Variants in DACH1 observed in about 807,000 individuals in gnomAD.
The protein encoded by DACH1 is dachshund family transcription factor 1, also known as dachshund homolog 1.
DACH1 carries 12 observed loss-of-function variants against 54.2 expected under a neutral mutation model. That is an observed-to-expected ratio of 0.22 (90% CI 0.14 to 0.36). DACH1 has a LOEUF of 0.36. Ranked by LOEUF, DACH1 falls within the 10% of genes least tolerant of loss-of-function variation. DACH1 has a pLI of 1.00. For synonymous variants in DACH1, 386 were observed against 366.2 expected, an observed-to-expected ratio of 1.05 and a Z score of -0.62; for missense variants, 805 against 929.8, an observed-to-expected ratio of 0.87 and a Z score of 1.75.
intron 6 of DACH1, among the ~76,000 whole-genome samples, chr13:71,504,234 C>T (rs1880140251): frequency 6.6e-6 from 1 of 151,960 alleles, no homozygotes; most frequent in Non-Finnish European, 1.5e-5. Flanking sequence ...CACGAGAAAT[C>T]TTGGTTGTTT....
intron 7 of DACH1, among the ~76,000 whole-genome samples, chr13:71,484,166 G>A (rs1454261277): frequency 6.7e-6 from 1 of 149,650 alleles, no homozygotes; most frequent in Non-Finnish European, 1.5e-5. Context: ...TTTCTTGTGT[G>A]TGTATGTGTT....
rs547530312 is a variant in DACH1, at chr13:71,580,846, C to G, written c.1127-7834G>C. Among the ~76,000 whole-genome samples the G allele has an allele frequency of 3.3e-5, 5 of 152,100 alleles. No homozygotes were observed. The East Asian group carries it at 9.7e-4, about 29-fold the overall frequency. ...CTTTTTCATGTCCTATTGATTTCAT[C>G]TCTATTATTCATCTCTATTTTGTCT... On this transcript the variant is annotated intron_variant, in intron 3 of 10. Coordinates refer to ENST00000613252, the MANE Select transcript of DACH1 (RefSeq NM_080759.6).
At chr13:71,786,791 G>A (rs1214923502) in intron 1 of DACH1, among the ~76,000 whole-genome samples, 2 of 151,726 alleles carry the variant, frequency 1.3e-5, no homozygotes, top group African/African-American at 4.8e-5. Context: ...GAATTTCAGA[G>A]GGGAAAAAAA....
At chr13:71,771,500 T>A (rs1885852900) in intron 1 of DACH1, among the ~76,000 whole-genome samples, 1 of 151,416 alleles carries the variant, frequency 6.6e-6, no homozygotes, top group African/African-American at 2.4e-5. Context: ...TTTTTGCAAC[T>A]AATCAGTAAC....
chr13:71,584,572 T>C (rs930702359), intron 3 of DACH1, among the ~76,000 whole-genome samples: 1 of 152,154 alleles, frequency 6.6e-6, no homozygotes, highest in African/African-American at 2.4e-5. Flanking sequence ...ACTTTAAGAA[T>C]AGAACTTGGC....
At chr13:71,616,685 T>C (rs1875792365) in intron 3 of DACH1, among the ~76,000 whole-genome samples, 2 of 152,016 alleles carry the variant, frequency 1.3e-5, no homozygotes, top group Admixed American at 6.6e-5. Context: ...CAGTGAACTA[T>C]GGTTCCTGCC....
chr13:71,592,779 A>C (rs1451152075), intron 3 of DACH1, among the ~76,000 whole-genome samples: 2 of 152,178 alleles, frequency 1.3e-5, no homozygotes, highest in African/African-American at 4.8e-5. Context: ...CAAGAGAAAA[A>C]GCAATCTTCC....
intron 6 of DACH1, among the ~76,000 whole-genome samples, chr13:71,530,515 A>T (rs959300541): frequency 3.3e-5 from 5 of 152,170 alleles, no homozygotes; most frequent in African/African-American, 1.2e-4. Context: ...TTAGAAAAGG[A>T]AAAAGGGTTG....
chr13:71,606,069 T>C (rs1168636024), intron 3 of DACH1, among the ~76,000 whole-genome samples: 1 of 152,082 alleles, frequency 6.6e-6, no homozygotes, highest in African/African-American at 2.4e-5. Flanking sequence ...TTTCTGCTAA[T>C]CTACTAGAGT....
chr13:71,642,712 T>C (rs764361043), intron 2 of DACH1, among the ~76,000 whole-genome samples: 50 of 152,048 alleles, frequency 3.3e-4, no homozygotes, highest in South Asian at 6.2e-4. Context: ...TGAACTCCCA[T>C]GGATTGGTTT....
intron 2 of DACH1, chr13:71,675,260 T>G: frequency 6.3e-7 from 1 of 1,588,152 alleles, no homozygotes; most frequent in Admixed American, 1.7e-5. Flanking sequence ...ATTCGCAGAC[T>G]TCCCTTCCAG....
intron 3 of DACH1, among the ~76,000 whole-genome samples, chr13:71,616,980 C>A (rs2138531338): frequency 6.6e-6 from 1 of 151,006 alleles, no homozygotes; most frequent in African/African-American, 2.4e-5. Context: ...CTCCCAGGTT[C>A]AAGTGATTCT....
chr13:71,798,542 G>A (rs542352050), intron 1 of DACH1, among the ~76,000 whole-genome samples: 10 of 151,320 alleles, frequency 6.6e-5, no homozygotes, highest in South Asian at 2.1e-4. Flanking sequence ...TGCTTGTGTC[G>A]TATGTCAGAA....
intron 3 of DACH1, among the ~76,000 whole-genome samples, chr13:71,607,416 AT>A (rs983437567): frequency 6.4e-4 from 98 of 151,980 alleles, no homozygotes; most frequent in Non-Finnish European, 7.1e-4. Flanking sequence ...CAATTCTAAA[AT>A]TTTTTTTCAA....
intron 2 of DACH1, among the ~76,000 whole-genome samples, chr13:71,642,505 T>C (rs1164391795): frequency 6.6e-6 from 1 of 152,212 alleles, no homozygotes; most frequent in Non-Finnish European, 1.5e-5. Flanking sequence ...CATGGATGGA[T>C]TTGAGATTCT....
intron 2 of DACH1, among the ~76,000 whole-genome samples, chr13:71,637,358 G>A (rs1453736899): frequency 1.3e-5 from 2 of 152,260 alleles, no homozygotes; most frequent in Non-Finnish European, 1.5e-5. Flanking sequence ...TAACTCATAC[G>A]ATCCATCATG....
intron 4 of DACH1, among the ~76,000 whole-genome samples, chr13:71,563,897 T>G (rs1884750601): frequency 6.6e-6 from 1 of 151,782 alleles, no homozygotes; most frequent in South Asian, 2.1e-4. Context: ...ACTATTCAAT[T>G]GAAACTTTCT....
At chr13:71,640,759 T>G (rs552809499) in intron 2 of DACH1, among the ~76,000 whole-genome samples, 84 of 152,222 alleles carry the variant, frequency 5.5e-4, no homozygotes, top group South Asian at 2.1e-3. Context: ...TGTGTGATAC[T>G]CTAAACGATG....
At chr13:71,762,624 G>A (rs183133031) in intron 1 of DACH1, among the ~76,000 whole-genome samples, 2 of 151,418 alleles carry the variant, frequency 1.3e-5, no homozygotes, top group South Asian at 2.1e-4. Flanking sequence ...AAATTTACCC[G>A]GGCATGGTGG....
Sources: allele counts gnomAD v4.1 joint callset (sites outside exome capture counted in the v4.1 genomes callset), GRCh38; gene constraint gnomAD v4.1.1; transcripts MANE v1.5; gene names NCBI Gene and HGNC (gene_info 2026-07-23, HGNC 2026-07-21).